Variants in DELE1 observed in about 807,000 individuals in gnomAD.
The protein encoded by DELE1 is DAP3 binding cell death enhancer 1, also known as death ligand signal enhancer.
Under a neutral mutation model 59.3 loss-of-function variants are expected in DELE1, and 54 were observed. The observed-to-expected ratio is 0.91, with a 90% CI of 0.73 to 1.14. DELE1 has a LOEUF of 1.14. Among genes scored for constraint, DELE1 ranks in the 50% most tolerant of loss-of-function variants. The pLI, the probability that DELE1 is intolerant of heterozygous loss-of-function variation, is 0.00. For missense variants in DELE1, 636 were observed against 643.9 expected, an observed-to-expected ratio of 0.99 and a Z score of 0.13; for synonymous variants, 264 against 259.1, an observed-to-expected ratio of 1.02 and a Z score of -0.18.
chr5:141,939,859 C>T lies in DELE1; in HGVS notation c.*1100C>T. The T allele has an allele frequency of 1.8e-6, 1 of 564,372 alleles. No individual in the cohort carries two copies. Among genetic ancestry groups the T allele is most frequent in the Non-Finnish European group, 2.2e-6 (1 of 445,514 alleles). 35.0% of individuals were successfully genotyped at this position (564,372 alleles called of 1,614,324 possible). On this transcript the variant is annotated 3_prime_UTR_variant, in exon 12 of 12. Transcript: ENST00000432126. ...AAGGGCATTTCACCACAGAGAGGACCTTTGTGCTCACTTTGGCCCAGGAGG... is the reference window on the plus strand; with the variant it reads ...AAGGGCATTTCACCACAGAGAGGACTTTTGTGCTCACTTTGGCCCAGGAGG...
rs1752651236 is a variant in DELE1 at position 141,940,153 on chromosome 5, T to G, written c.*1394T>G. 1.0e-5 allele frequency: 10 copies of G among 985,440 alleles called. No individual in the cohort carries two copies. The highest frequency in any genetic ancestry group is 1.7e-5 in the African/African-American group (1 of 57,358). The allele number at this position is 985,440 out of a possible 1,614,324, so 61.0% of individuals were successfully genotyped here. ...ATAAAACAGATATTGGATTATCTCA[T>G]CACTCTTGCCCTTGAGTATTATGGG... On this transcript the variant is annotated 3_prime_UTR_variant, in exon 12 of 12. Transcript: ENST00000432126.
chr5:141,939,086 T>C lies in DELE1; in HGVS notation c.*327T>C. 1 of 1,069,284 alleles carries C rather than the reference T, an allele frequency of 9.4e-7. No homozygotes were observed. Among genetic ancestry groups the C allele is most frequent in the Non-Finnish European group, 1.1e-6 (1 of 882,422 alleles). The allele number at this position is 1,069,284 out of a possible 1,614,324, so 66.2% of individuals were successfully genotyped here. ...GTCTTTGAGCAAATAACTTACCTTC[T>C]TCCTTCTTATGCCTGGGTTTTCTCA... is the stretch of plus-strand genomic sequence containing the variant. On this transcript the variant is annotated 3_prime_UTR_variant, in exon 12 of 12. Transcript: ENST00000432126.
At position 141,934,514 on chromosome 5, in the gene DELE1, G is replaced by A; in HGVS notation, c.1077G>A (p.Val359=). Residue 359 remains valine, a synonymous_variant, in exon 10 of 12, where the codon GTG becomes GTA. Transcript: ENST00000432126. ...GLREAQAFLG[V]LFTKEPYLDE... ...CACAGGCCCAAGCTTTCCTCGGGGT[G>A]CTTTTCACCAAGGAGCCCTACCTGG... 1 of 1,614,254 alleles carries A rather than the reference G, an allele frequency of 6.2e-7. No homozygotes were observed. The highest frequency in any genetic ancestry group is 8.5e-7 in the Non-Finnish European group (1 of 1,180,040).
intron 10 of DELE1, chr5:141,936,981 C>T: frequency 7.2e-7 from 1 of 1,395,252 alleles, no homozygotes; most frequent in Non-Finnish European, 9.3e-7. Context: ...TGGAATCTCC[C>T]TGGGTGGAGG....
At position 141,937,231 on chromosome 5, in the gene DELE1, T is replaced by C; in HGVS notation, c.1183T>C (p.Tyr395His). Residue 395 changes from tyrosine (Y) to histidine (H), a missense_variant, in exon 11 of 12, where the codon TAT becomes CAT. Physicochemically the swap from Tyr to His is moderately conservative, Grantham distance 83. Coordinates refer to ENST00000432126, the MANE Select transcript of DELE1 (RefSeq NM_014773.5). ...GAGCAGGTACCACCTTGGAATTTGC[T>C]ATGAGAAAGGCCTTGGTGTGCAGAG... is the stretch of plus-strand genomic sequence containing the variant. ...SQSRYHLGICYEKGLGVQRNL... is the reference protein window; with the variant it reads ...SQSRYHLGICHEKGLGVQRNL... The C allele has an allele frequency of 6.2e-7, 1 of 1,614,210 alleles. No individual in the cohort carries two copies. Among genetic ancestry groups the C allele is most frequent in the Non-Finnish European group, 8.5e-7 (1 of 1,180,040 alleles).
chr5:141,939,056 C>T lies in DELE1; in HGVS notation c.*297C>T, dbSNP rs1014305663. 8.7e-7 allele frequency: 1 copy of T among 1,149,404 alleles called. No individual in the cohort carries two copies. Among genetic ancestry groups the T allele is most frequent in the Middle Eastern group, 3.8e-4 (1 of 2,666 alleles). The allele number at this position is 1,149,404 out of a possible 1,614,324, so 71.2% of individuals were successfully genotyped here. A position where few individuals can be genotyped will look rare whatever the true frequency, so the allele number is the denominator to read the frequency against. ...CCAGAGACCCTGGTGCTCACCTTAG[C>T]CTTTGTCTTTGAGCAAATAACTTAC... is the stretch of plus-strand genomic sequence containing the variant. On this transcript the variant is annotated 3_prime_UTR_variant, in exon 12 of 12. Coordinates refer to ENST00000432126, the MANE Select transcript of DELE1 (RefSeq NM_014773.5).
At chr5:141,930,953 C>T (rs1416814697) in intron 7 of DELE1, among the ~76,000 whole-genome samples, 1 of 152,126 alleles carries the variant, frequency 6.6e-6, no homozygotes, top group Non-Finnish European at 1.5e-5. Context: ...TTTGCCAGTT[C>T]CTGTTTTAGG....
Position 141,923,909 on chromosome 5 carries a change from C to G in DELE1, c.-33C>G. 6.3e-7 allele frequency: 1 copy of G among 1,590,588 alleles called. No homozygotes were observed. The highest frequency in any genetic ancestry group is 8.6e-7 in the Non-Finnish European group (1 of 1,168,752). On this transcript the variant is annotated 5_prime_UTR_variant, in exon 1 of 12. Transcript: ENST00000432126. Reference sequence around the variant, plus strand: ...GTCCCAAGGGTTGGTCTCGCGCTTTCGGCTGCGAGCTCTCTGTGGTGCTGG... The same window carrying G: ...GTCCCAAGGGTTGGTCTCGCGCTTTGGGCTGCGAGCTCTCTGTGGTGCTGG...
rs1752590553 is a variant in DELE1 at position 141,939,119 on chromosome 5, A to G, written c.*360A>G. ...TATGCCTGGGTTTTCTCACACTTAA[A>G]TCTGTACTACTGTTTGCCAATGTCT... On this transcript the variant is annotated 3_prime_UTR_variant, in exon 12 of 12. Transcript: ENST00000432126. 2 of 1,031,082 alleles carry G rather than the reference A, an allele frequency of 1.9e-6. No homozygotes were observed. The highest frequency in any genetic ancestry group is 1.7e-5 in the African/African-American group (1 of 58,610). The allele number at this position is 1,031,082 out of a possible 1,614,324, so 63.9% of individuals were successfully genotyped here. A position where few individuals can be genotyped will look rare whatever the true frequency, so the allele number is the denominator to read the frequency against.
intron 7 of DELE1, 93 bp from the exon 8 acceptor site, chr5:141,933,166 A>C: frequency 2.7e-6 from 2 of 742,204 alleles, no homozygotes; most frequent in East Asian, 3.8e-5. Context: ...AAAGAAAGGG[A>C]GGAGGATCAG....
Position 141,940,607 on chromosome 5 carries a change from C to T in DELE1, c.*1848C>T, listed in dbSNP as rs560538178. The T allele has an allele frequency of 4.7e-5, 46 of 985,874 alleles. No homozygotes were observed. The highest frequency in any genetic ancestry group is 1.1e-4 in the East Asian group (1 of 8,820). The allele number at this position is 985,874 out of a possible 1,614,324, so 61.1% of individuals were successfully genotyped here. On this transcript the variant is annotated 3_prime_UTR_variant, in exon 12 of 12. Coordinates refer to ENST00000432126, the MANE Select transcript of DELE1 (RefSeq NM_014773.5). ...ACTTTCCTAGCACCTCTCTTTCACC[C>T]GGGGAGCCCAAGCGTCCTCTAGCTC...
intron 3 of DELE1, among the ~76,000 whole-genome samples, chr5:141,925,793 A>G (rs963475467): frequency 6.6e-6 from 1 of 152,246 alleles, no homozygotes; most frequent in African/African-American, 2.4e-5. Context: ...AGCAGAGAAC[A>G]AGATAGATAC....
Position 141,928,177 on chromosome 5 carries a change from G to T in DELE1, c.291G>T (p.Gln97His). 1 of 1,614,124 alleles carries T rather than the reference G, an allele frequency of 6.2e-7. No individual in the cohort carries two copies. Among genetic ancestry groups the T allele is most frequent in the Non-Finnish European group, 8.5e-7 (1 of 1,179,972 alleles). ...GCACTCTGGCCGTGCTGGCCCTGCAGCTGGCAAGGCAGATCCACTTCCAGG... is the reference window on the plus strand; with the variant it reads ...GCACTCTGGCCGTGCTGGCCCTGCATCTGGCAAGGCAGATCCACTTCCAGG... The part of the protein sequence containing the change: ...SWGTLAVLAL[Q>H]LARQIHFQAS... The change falls in exon 4 of 12, where the codon CAG (glutamine) becomes CAT (histidine). Residue 97 changes from glutamine to histidine, a missense_variant. By Grantham distance (24) the Gln-to-His change is conservative. Transcript: ENST00000432126.
chr5:141,925,535 T>A lies in DELE1; in HGVS notation c.264+8T>A. The A allele has an allele frequency of 6.5e-7, 1 of 1,549,394 alleles. No individual in the cohort carries two copies. The highest frequency in any genetic ancestry group is 8.8e-7 in the Non-Finnish European group (1 of 1,137,178). ...TGGGATGCCATATCTTGGGTAAGGC[T>A]TCCCCAGCCTGGTCCTTGACCTTCA... On this transcript the variant is annotated splice_region_variant and intron_variant, in intron 3 of 11. Coordinates refer to ENST00000432126, the MANE Select transcript of DELE1 (RefSeq NM_014773.5).
At chr5:141,927,615 A>G (rs958463783) in intron 3 of DELE1, among the ~76,000 whole-genome samples, 7 of 152,116 alleles carry the variant, frequency 4.6e-5, no homozygotes, top group Non-Finnish European at 8.8e-5. Context: ...CACCTTTACA[A>G]AGCTTACACC....
At position 141,934,649 on chromosome 5, in the gene DELE1, A is replaced by G. The variant is rs1752219446; in HGVS notation, c.1149+63A>G. 6 of 1,477,000 alleles carry G rather than the reference A, an allele frequency of 4.1e-6. No homozygotes were observed. In the East Asian group the frequency reaches 1.4e-4, roughly 33 times the overall value. The allele number at this position is 1,477,000 out of a possible 1,614,324, so 91.5% of individuals were successfully genotyped here. On this transcript the variant is annotated intron_variant, in intron 10 of 11. Coordinates refer to ENST00000432126, the MANE Select transcript of DELE1 (RefSeq NM_014773.5). ...GCCTGATAAGAGAAGGGATTTTGGA[A>G]CTGGTACTGAGTTCTTCTGTGCTTA...
At position 141,941,046 on chromosome 5, in the gene DELE1, CA is replaced by C. The variant is rs1292058567; in HGVS notation, c.*2288del. ...ATTGAGCCCAGAGCCCGTTTCCCTACAGATTGCTTTTGAGCCTTCCTGGGGC... is the reference window on the plus strand; with the variant it reads ...ATTGAGCCCAGAGCCCGTTTCCCTACGATTGCTTTTGAGCCTTCCTGGGGC... On this transcript the variant is annotated 3_prime_UTR_variant, in exon 12 of 12. Transcript: ENST00000432126. 4 of 985,464 alleles carry C rather than the reference CA, an allele frequency of 4.1e-6. No homozygotes were observed. The African/African-American group carries it at 7.0e-5, about 17-fold the overall frequency. The allele number at this position is 985,464 out of a possible 1,614,324, so 61.0% of individuals were successfully genotyped here.
chr5:141,935,391 C>G (rs533865201), intron 10 of DELE1, among the ~76,000 whole-genome samples: 1 of 152,214 alleles, frequency 6.6e-6, no homozygotes, highest in Non-Finnish European at 1.5e-5. Context: ...TTGCTGTATT[C>G]CTCAAGTGTA....
intron 2 of DELE1, 54 bp downstream of exon 2, chr5:141,924,749 T>TA (rs1187692931): frequency 2.0e-5 from 21 of 1,051,018 alleles, no homozygotes; most frequent in African/African-American, 3.3e-5. Context: ...CCTTTTTTTT[T>TA]ATTTTTTTTT....
Sources: allele counts gnomAD v4.1 joint callset (sites outside exome capture counted in the v4.1 genomes callset), GRCh38; gene constraint gnomAD v4.1.1; transcripts MANE v1.5; gene names NCBI Gene and HGNC (gene_info 2026-07-23, HGNC 2026-07-21).